The following EEF2K variants were observed in gnomAD, a reference collection of about 807,000 sequenced individuals.
EEF2K encodes alternative protein EEF2K.
In EEF2K, 70 loss-of-function variants were observed where a neutral mutation model predicts 93.8. The ratio of observed to expected loss-of-function variants is 0.75; its 90% CI spans 0.62 to 0.91. The LOEUF (loss-of-function observed/expected upper bound fraction) is 0.91, where lower values mean the gene tolerates loss of function less well. Among genes scored for constraint, EEF2K ranks in the 40% least tolerant of loss-of-function variants. EEF2K has a pLI of 0.00. For missense variants in EEF2K, 935 were observed against 972.9 expected, an observed-to-expected ratio of 0.96 and a Z score of 0.52; for synonymous variants, 376 against 380.8, an observed-to-expected ratio of 0.99 and a Z score of 0.15.
intron 2 of EEF2K, among the ~76,000 whole-genome samples, chr16:22,244,241 T>C (rs565051022): frequency 1.1e-3 from 173 of 151,020 alleles, no homozygotes; most frequent in Non-Finnish European, 2.1e-3. Flanking sequence ...TATATATATA[T>C]ACGTTATATT....
chr16:22,208,878 C>T (rs1349546189), intron 1 of EEF2K, among the ~76,000 whole-genome samples: 1 of 152,174 alleles, frequency 6.6e-6, no homozygotes, highest in African/African-American at 2.4e-5. Flanking sequence ...CCTTACCATT[C>T]GGTAGGGCCA....
At chr16:22,207,922 C>T (rs1791697796) in intron 1 of EEF2K, among the ~76,000 whole-genome samples, 2 of 152,130 alleles carry the variant, frequency 1.3e-5, no homozygotes, top group South Asian at 4.1e-4. Flanking sequence ...GGGGAAGAGG[C>T]AGGTGGAAGG....
chr16:22,252,914 GA>G (rs1374786236), intron 6 of EEF2K, among the ~76,000 whole-genome samples: 4 of 152,054 alleles, frequency 2.6e-5, no homozygotes, highest in Non-Finnish European at 5.9e-5. Flanking sequence ...CAGTATGGGG[GA>G]AACCACCCCC....
intron 1 of EEF2K, among the ~76,000 whole-genome samples, chr16:22,214,323 C>T (rs1196417768): frequency 7.9e-5 from 12 of 151,720 alleles, no homozygotes; most frequent in South Asian, 2.1e-4. Context: ...GCAAGAGGAT[C>T]GCTTGAGGCC....
rs1299156138 is a variant in EEF2K, at chr16:22,249,000, G to T, written c.408+185G>T. On this transcript the variant is annotated intron_variant, in intron 4 of 17. Coordinates refer to ENST00000263026, the MANE Select transcript of EEF2K (RefSeq NM_013302.5). ...TTTTTTTTTTTTTTTTTGAGACAGG[G>T]TCTCACTCTATTGCCCAGGAGCACA... is the stretch of plus-strand genomic sequence containing the variant. 3.4e-5 allele frequency among the ~76,000 whole-genome samples: 5 copies of T among 146,666 alleles called. No homozygotes were observed. In the East Asian group the frequency reaches 7.9e-4, roughly 23 times the overall value.
At chr16:22,265,074 G>C (rs1462065671) in intron 13 of EEF2K, 194 bp downstream of exon 13, 1 of 596,442 alleles carries the variant, frequency 1.7e-6, no homozygotes, top group Non-Finnish European at 2.9e-6. Context: ...GGGGATTTGT[G>C]GGGAGGATTA....
chr16:22,252,076 G>C (rs895834338), intron 6 of EEF2K, among the ~76,000 whole-genome samples: 1 of 152,224 alleles, frequency 6.6e-6, no homozygotes, highest in Non-Finnish European at 1.5e-5. Flanking sequence ...TTACAGGCGT[G>C]AGCCATTGCA....
At chr16:22,226,531 T>TTTTTTTTTTTTTA (rs2047066637) in intron 2 of EEF2K, among the ~76,000 whole-genome samples, 1 of 148,326 alleles carries the variant, frequency 6.7e-6, no homozygotes, top group Non-Finnish European at 1.5e-5. Context: ...TTTTTTTTTT[T>TTTTTTTTTTTTTA]TATAAACGTG....
chr16:22,231,913 C>G (rs2047118933), intron 2 of EEF2K, among the ~76,000 whole-genome samples: 1 of 146,156 alleles, frequency 6.8e-6, no homozygotes, highest in Non-Finnish European at 1.5e-5. Context: ...TCACTTGAAC[C>G]TGGGAGGCTG....
intron 11 of EEF2K, among the ~76,000 whole-genome samples, chr16:22,262,001 C>CCAAACACACACACACACA (rs536921866): frequency 1.4e-5 from 2 of 138,018 alleles, no homozygotes; most frequent in African/African-American, 2.7e-5. Context: ...TGAGACCCTG[C>CCAAACACACACACACACA]CACACACACA....
chr16:22,226,975 G>A (rs2047070973), intron 2 of EEF2K, among the ~76,000 whole-genome samples: 1 of 152,112 alleles, frequency 6.6e-6, no homozygotes, highest in Admixed American at 6.5e-5. Context: ...CAAGGCAAGT[G>A]GATCACCTGA....
chr16:22,225,811 G>A lies in EEF2K; in HGVS notation c.82G>A (p.Asp28Asn). 6.2e-7 allele frequency: 1 copy of A among 1,614,250 alleles called. No individual in the cohort carries two copies. The highest frequency in any genetic ancestry group is 1.3e-5 in the African/African-American group (1 of 75,076). The part of the protein sequence containing the change: ...SPRAGHDGDS[D>N]GDSDDEEGYF... ...CCGAGCTGGCCATGATGGTGATTCT[G>A]ATGGGGACAGCGACGATGAGGAAGG... Residue 28 changes from aspartate to asparagine, a missense_variant, in exon 2 of 18, where the codon GAT becomes AAT. Coordinates refer to ENST00000263026, the MANE Select transcript of EEF2K (RefSeq NM_013302.5).
intron 2 of EEF2K, among the ~76,000 whole-genome samples, chr16:22,239,350 T>G (rs1485593061): frequency 6.6e-6 from 1 of 152,110 alleles, no homozygotes; most frequent in Non-Finnish European, 1.5e-5. Context: ...AGAGGCACTG[T>G]CAGAGAATTG....
At chr16:22,243,756 T>C (rs1374162489) in intron 2 of EEF2K, among the ~76,000 whole-genome samples, 2 of 150,260 alleles carry the variant, frequency 1.3e-5, no homozygotes, top group African/African-American at 4.9e-5. Context: ...ACCCCGTCTC[T>C]ACCAAAAAGT....
intron 6 of EEF2K, among the ~76,000 whole-genome samples, chr16:22,254,170 GGAGA>G (rs2047377878): frequency 6.6e-6 from 1 of 152,128 alleles, no homozygotes; most frequent in Admixed American, 6.5e-5. Flanking sequence ...CTTAAGGGAG[GGAGA>G]GAGACGTGGT....
At chr16:22,226,517 C>CTTTTTTTTTTTTTTTTTTTT (rs553013823) in intron 2 of EEF2K, among the ~76,000 whole-genome samples, 22 of 106,892 alleles carry the variant, frequency 2.1e-4, no homozygotes, top group African/African-American at 7.2e-4. Context: ...CCTTCTTCTT[C>CTTTTTTTTTTTTTTTTTTTT]TTTTTTTTTT....
At chr16:22,282,592 G>T (rs968108530) in intron 17 of EEF2K, among the ~76,000 whole-genome samples, 1 of 152,208 alleles carries the variant, frequency 6.6e-6, no homozygotes, top group Non-Finnish European at 1.5e-5. Flanking sequence ...AAGTAGCTTT[G>T]TTATAAAAGC....
Position 22,235,099 on chromosome 16 carries a change from A to G in EEF2K, c.246+9124A>G, listed in dbSNP as rs2047155158. On this transcript the variant is annotated intron_variant, in intron 2 of 17. Transcript: ENST00000263026. ...CATGGGGGCGCACACCTGTAGTCCCAGTTACTGGGGAGGCTGAGGCGCAAG... is the reference window on the plus strand; with the variant it reads ...CATGGGGGCGCACACCTGTAGTCCCGGTTACTGGGGAGGCTGAGGCGCAAG... Among the ~76,000 whole-genome samples, 3 of 151,814 alleles carry G rather than the reference A, an allele frequency of 2.0e-5. No individual in the cohort carries two copies. The South Asian group carries it at 6.3e-4, about 32-fold the overall frequency.
intron 1 of EEF2K, among the ~76,000 whole-genome samples, chr16:22,214,321 A>T (rs1379035427): frequency 6.6e-6 from 1 of 151,738 alleles, no homozygotes; most frequent in Non-Finnish European, 1.5e-5. Flanking sequence ...AGGCAAGAGG[A>T]TCGCTTGAGG....
Sources: gnomAD v4.1 joint callset for allele counts (sites outside exome capture counted in the v4.1 genomes callset) on GRCh38, gnomAD v4.1.1 for gene constraint, MANE v1.5 for transcripts, NCBI Gene and HGNC (gene_info 2026-07-23, HGNC 2026-07-21) for gene names.